EEPD1: variants seen among roughly 807,000 people sequenced by gnomAD.
EEPD1 encodes the protein endonuclease/exonuclease/phosphatase family domain-containing protein 1.
EEPD1 carries 17 observed loss-of-function variants against 46.3 expected under a neutral mutation model. The ratio of observed to expected loss-of-function variants is 0.37; its 90% CI spans 0.25 to 0.55. The LOEUF (loss-of-function observed/expected upper bound fraction) is 0.55, where lower values mean the gene tolerates loss of function less well. Among genes scored for constraint, EEPD1 ranks in the 20% least tolerant of loss-of-function variants. The pLI, the probability that EEPD1 is intolerant of heterozygous loss-of-function variation, is 0.83. For missense variants in EEPD1, 673 were observed against 745.6 expected (o/e 0.90, Z 1.13); for synonymous variants, 313 against 315.6 (o/e 0.99, Z 0.09).
At chr7:36,277,307 C>T (rs72622379) in intron 3 of EEPD1, among the ~76,000 whole-genome samples, 21,847 of 152,270 alleles carry the variant, frequency 0.14, 1,785 homozygotes, top group East Asian at 0.22. Context: ...CCTTTCTGTG[C>T]AGCACTGTAC....
intron 2 of EEPD1, among the ~76,000 whole-genome samples, chr7:36,169,833 C>T (rs1785045759): frequency 6.6e-6 from 1 of 152,208 alleles, no homozygotes; most frequent in Admixed American, 6.5e-5. Context: ...AAACAATGTC[C>T]TGGAGAAGTA....
At chr7:36,219,806 AGTGTGTGTGTGT>A (rs70977121) in intron 2 of EEPD1, among the ~76,000 whole-genome samples, 24 of 75,438 alleles carry the variant, frequency 3.2e-4, no homozygotes, top group African/African-American at 1.1e-3. Context: ...AGAGAGAGAG[AGTGTGTGTGTGT>A]GTGTGTGTGT....
chr7:36,174,991 A>G (rs985440054), intron 2 of EEPD1, among the ~76,000 whole-genome samples: 1 of 152,182 alleles, frequency 6.6e-6, no homozygotes, highest in Non-Finnish European at 1.5e-5. Flanking sequence ...TTATGGACAG[A>G]AGGAGGAAAG....
chr7:36,260,261 C>G lies in EEPD1; in HGVS notation c.931-20854C>G, dbSNP rs1786900971. 2.0e-5 allele frequency among the ~76,000 whole-genome samples: 3 copies of G among 152,184 alleles called. No homozygotes were observed. The South Asian group carries it at 6.2e-4, about 31-fold the overall frequency. On this transcript the variant is annotated intron_variant, in intron 3 of 7. Transcript: ENST00000242108. ...GGCAGGTCTGTTAGCAACAAATTCTCTCAGTTTTTGTATGGGAATGTATTT... is the reference window on the plus strand; with the variant it reads ...GGCAGGTCTGTTAGCAACAAATTCTGTCAGTTTTTGTATGGGAATGTATTT...
intron 6 of EEPD1, among the ~76,000 whole-genome samples, chr7:36,288,518 T>C (rs1787374163): frequency 6.6e-6 from 1 of 152,148 alleles, no homozygotes; most frequent in South Asian, 2.1e-4. Flanking sequence ...CTCAGCACTT[T>C]GGGAGGCCAA....
intron 2 of EEPD1, among the ~76,000 whole-genome samples, chr7:36,199,569 G>A (rs1022987983): frequency 6.6e-6 from 1 of 152,166 alleles, no homozygotes; most frequent in African/African-American, 2.4e-5. Flanking sequence ...GGCCAGCTCT[G>A]CAGAGCCTTG....
At chr7:36,274,316 C>G (rs1382592214) in intron 3 of EEPD1, among the ~76,000 whole-genome samples, 4 of 152,248 alleles carry the variant, frequency 2.6e-5, no homozygotes, top group Non-Finnish European at 5.9e-5. Context: ...GTACAAGCCA[C>G]TAAGAACCAT....
chr7:36,179,011 C>T lies in EEPD1; in HGVS notation c.878+23809C>T, dbSNP rs1785229233. Among the ~76,000 whole-genome samples the T allele has an allele frequency of 2.0e-5, 3 of 152,208 alleles. No individual in the cohort carries two copies. The South Asian group carries it at 6.2e-4, about 31-fold the overall frequency. ...GGCCTTGGCATTTGGCGGGATGGTACTTTTCCAAGGGGAAGAAAATAATAA... is the reference window on the plus strand; with the variant it reads ...GGCCTTGGCATTTGGCGGGATGGTATTTTTCCAAGGGGAAGAAAATAATAA... On this transcript the variant is annotated intron_variant, in intron 2 of 7. Transcript: ENST00000242108.
intron 3 of EEPD1, among the ~76,000 whole-genome samples, chr7:36,252,384 TAG>T (rs1177368119): frequency 2.0e-5 from 3 of 152,152 alleles, no homozygotes; most frequent in South Asian, 2.1e-4. Context: ...TAGCATCAAC[TAG>T]AGAGAGTTTT....
In EEPD1 at chr7:36,154,960, C is replaced by G. The variant is rs746040709; in HGVS notation, c.636C>G (p.Thr212=). The change falls in exon 2 of 8, where the codon ACC becomes ACG. Residue 212 remains threonine, a synonymous_variant. Transcript: ENST00000242108. The surrounding 1 kb of genome is among the most constrained non-coding windows in gnomAD (Gnocchi z 4.2). The part of the protein sequence containing the change: ...PPSTHTNGGL[T]FTAKPHPSPT... ...CCACCCACACGAACGGGGGACTGAC[C>G]TTCACCGCCAAGCCTCACCCGAGCC... 1.9e-6 allele frequency: 3 copies of G among 1,613,852 alleles called. No homozygotes were observed.
chr7:36,264,399 T>C (rs1786979736), intron 3 of EEPD1, among the ~76,000 whole-genome samples: 1 of 152,182 alleles, frequency 6.6e-6, no homozygotes. Context: ...CGTCCTCTGT[T>C]GAGCAAGGAT....
chr7:36,265,916 G>A (rs1473919369), intron 3 of EEPD1, among the ~76,000 whole-genome samples: 1 of 152,184 alleles, frequency 6.6e-6, no homozygotes, highest in Non-Finnish European at 1.5e-5. Context: ...GTTGTAACAG[G>A]CATGGCTGGC....
intron 3 of EEPD1, among the ~76,000 whole-genome samples, chr7:36,272,345 A>G (rs969585081): frequency 6.6e-6 from 1 of 152,180 alleles, no homozygotes; most frequent in African/African-American, 2.4e-5. Flanking sequence ...GCTGATGACA[A>G]TGGCCACAGT....
rs1787611401 is a variant in EEPD1 at position 36,300,853 on chromosome 7, C to G, written c.*1647C>G. On this transcript the variant is annotated 3_prime_UTR_variant, in exon 8 of 8. Coordinates refer to ENST00000242108, the MANE Select transcript of EEPD1 (RefSeq NM_030636.3). Reference sequence around the variant, plus strand: ...GGTCTCTCCAGTGGGAGGGCGGCAGCTCCTGTCCCTGGGTTCAGGCTGTGC... The same window carrying G: ...GGTCTCTCCAGTGGGAGGGCGGCAGGTCCTGTCCCTGGGTTCAGGCTGTGC... 1 of 152,304 alleles carries G rather than the reference C, an allele frequency of 6.6e-6. No individual in the cohort carries two copies. Among genetic ancestry groups the G allele is most frequent in the Non-Finnish European group, 1.5e-5 (1 of 68,094 alleles). The allele number at this position is 152,304 out of a possible 1,614,324, so 9.4% of individuals were successfully genotyped here. A position where few individuals can be genotyped will look rare whatever the true frequency, so the allele number is the denominator to read the frequency against.
chr7:36,228,388 A>G (rs1224695272), intron 2 of EEPD1, among the ~76,000 whole-genome samples: 9 of 152,126 alleles, frequency 5.9e-5, no homozygotes, highest in Admixed American at 5.2e-4. Context: ...TTAGCCAAGC[A>G]TGGTGGCACA....
chr7:36,203,688 A>G (rs1454318922), intron 2 of EEPD1, among the ~76,000 whole-genome samples: 1 of 152,272 alleles, frequency 6.6e-6, no homozygotes, highest in Non-Finnish European at 1.5e-5. Flanking sequence ...AATTGGTATA[A>G]TGAAAATTAG....
chr7:36,237,384 G>A (rs1321124409), intron 2 of EEPD1, among the ~76,000 whole-genome samples: 1 of 152,192 alleles, frequency 6.6e-6, no homozygotes, highest in Non-Finnish European at 1.5e-5. Context: ...CAGTCCTCCT[G>A]CCTTGGCCTC....
intron 2 of EEPD1, among the ~76,000 whole-genome samples, chr7:36,158,696 C>T (rs1338238889): frequency 6.6e-6 from 1 of 152,122 alleles, no homozygotes; most frequent in Non-Finnish European, 1.5e-5. Flanking sequence ...CTTCCTTGTT[C>T]GGTATTTATG....
intron 6 of EEPD1, among the ~76,000 whole-genome samples, chr7:36,290,185 T>G (rs1219391394): frequency 6.6e-6 from 1 of 152,210 alleles, no homozygotes; most frequent in Non-Finnish European, 1.5e-5. Flanking sequence ...TGCCAGCTCA[T>G]AACTTCTTTG....
Sources: gnomAD v4.1 joint callset for allele counts (sites outside exome capture counted in the v4.1 genomes callset) on GRCh38, gnomAD v4.1.1 for gene constraint, Gnocchi (gnomAD v3.1) non-coding constraint, MANE v1.5 for transcripts, NCBI Gene and HGNC (gene_info 2026-07-23, HGNC 2026-07-21) for gene names.